Variants in CACNA1I observed in about 807,000 individuals in gnomAD.
CACNA1I encodes the protein calcium voltage-gated channel subunit alpha1 I.
CACNA1I carries 74 observed loss-of-function variants against 201.6 expected under a neutral mutation model. That is an observed-to-expected ratio of 0.37 (90% confidence interval 0.30 to 0.45). The LOEUF (loss-of-function observed/expected upper bound fraction) is 0.45. Among genes scored for constraint, CACNA1I ranks in the 20% least tolerant of loss-of-function variants. The pLI is 1.00. For missense variants in CACNA1I, 2,346 were observed against 3,138.1 expected (o/e 0.75, Z 6.03); for synonymous variants, 1,431 against 1,345.2 (o/e 1.06, Z -1.40).
Position 39,639,069 on chromosome 22 carries a change from G to A in CACNA1I, c.741-1798G>A, listed in dbSNP as rs528427762. Among the ~76,000 whole-genome samples the A allele has an allele frequency of 9.2e-4, 140 of 152,288 alleles. 4 individuals are homozygous for A. In the South Asian group the frequency reaches 0.028, roughly 31 times the overall value. Reference sequence around the variant, plus strand: ...ACCTCTTATCTCCTTTGTATGTTGCGAATACTTAATCCCATTCAACAGCAA... The same window carrying A: ...ACCTCTTATCTCCTTTGTATGTTGCAAATACTTAATCCCATTCAACAGCAA... On this transcript the variant is annotated intron_variant, in intron 5 of 36. Coordinates refer to ENST00000402142, the MANE Select transcript of CACNA1I (RefSeq NM_021096.4).
At position 39,649,939 on chromosome 22, in the gene CACNA1I, A is replaced by AGCCGG. The variant is rs778010016; in HGVS notation, c.1992+23_1992+27dup. 3.1e-6 allele frequency: 5 copies of AGCCGG among 1,612,620 alleles called. No individual in the cohort carries two copies. The highest frequency in any genetic ancestry group is 3.4e-6 in the Non-Finnish European group (4 of 1,179,546). On this transcript the variant is annotated intron_variant, in intron 10 of 36. Transcript: ENST00000402142. This position sits in a 1 kb window ranked among gnomAD's most constrained non-coding sequence, Gnocchi z 7.3. ...CACCACGAGCAGGCCAGTGCAGCGCAGCCGGGCCGGGCCTGCGGGAGAGGT... is the reference window on the plus strand; with the variant it reads ...CACCACGAGCAGGCCAGTGCAGCGCAGCCGGGCCGGGCCGGGCCTGCGGGAGAGGT...
At position 39,665,834 on chromosome 22, in the gene CACNA1I, T is replaced by C. The variant is rs771552037; in HGVS notation, c.3979-47T>C. ...ATCGAGAGGCGAGTTCCTCTCTGAC[T>C]TGCAACCCTCACCTGTGAGAGCACC... On this transcript the variant is annotated intron_variant, in intron 22 of 36. Transcript: ENST00000402142. The surrounding 1 kb of genome is among the most constrained non-coding windows in gnomAD (Gnocchi z 5.5). 6.2e-7 allele frequency: 1 copy of C among 1,612,424 alleles called. No homozygotes were observed. Among genetic ancestry groups the C allele is most frequent in the Non-Finnish European group, 8.5e-7 (1 of 1,178,900 alleles).
At chr22:39,670,656 T>A (rs1935344631) in intron 25 of CACNA1I, 147 bp from the exon 26 acceptor site, 1 of 761,704 alleles carries the variant, frequency 1.3e-6, no homozygotes, top group Non-Finnish European at 2.3e-6. Context: ...GGAGGAGATC[T>A]AACACTGATC....
At chr22:39,683,061 C>T (rs1023883200) in intron 35 of CACNA1I, among the ~76,000 whole-genome samples, 4 of 152,132 alleles carry the variant, frequency 2.6e-5, no homozygotes, top group Non-Finnish European at 4.4e-5. Flanking sequence ...TTCATATACA[C>T]GGGGATGTTA....
In CACNA1I at chr22:39,687,771, G is replaced by A. The variant is rs1483762849; in HGVS notation, c.*1366G>A. 6.6e-6 allele frequency: 1 copy of A among 152,150 alleles called. No homozygotes were observed. The highest frequency in any genetic ancestry group is 2.4e-5 in the African/African-American group (1 of 41,424). The allele number at this position is 152,150 out of a possible 1,614,324, so 9.4% of individuals were successfully genotyped here. Reference sequence around the variant, plus strand: ...TACGCATTTATTTCACTATTTATTGGGAAAAAAATGCATTGAACCCGTGAT... The same window carrying A: ...TACGCATTTATTTCACTATTTATTGAGAAAAAAATGCATTGAACCCGTGAT... On this transcript the variant is annotated 3_prime_UTR_variant, in exon 37 of 37. Transcript: ENST00000402142.
chr22:39,576,335 T>C (rs536648080), intron 1 of CACNA1I, among the ~76,000 whole-genome samples: 8 of 152,228 alleles, frequency 5.3e-5, no homozygotes, highest in Non-Finnish European at 1.2e-4. Context: ...ATAGGGGCTC[T>C]CATAGCCCCA....
Position 39,666,054 on chromosome 22 carries a change from T to A in CACNA1I, c.4104+48T>A. The A allele has an allele frequency of 6.3e-7, 1 of 1,583,986 alleles. No homozygotes were observed. The highest frequency in any genetic ancestry group is 8.6e-7 in the Non-Finnish European group (1 of 1,163,274). ...TGATCAGACCCTCCCCTCTCTTGGA[T>A]GCCAGTGGCTCTGGGAATCACAGAC... is the stretch of plus-strand genomic sequence containing the variant. On this transcript the variant is annotated intron_variant, in intron 23 of 36. Coordinates refer to ENST00000402142, the MANE Select transcript of CACNA1I (RefSeq NM_021096.4). This position sits in a 1 kb window ranked among gnomAD's most constrained non-coding sequence, Gnocchi z 4.1.
At chr22:39,626,196 C>T (rs1250356446) in intron 4 of CACNA1I, among the ~76,000 whole-genome samples, 2 of 152,234 alleles carry the variant, frequency 1.3e-5, no homozygotes, top group East Asian at 1.9e-4. Context: ...GAGTAAGCCA[C>T]GTGCCTCTCC....
chr22:39,628,159 C>T (rs982197657), intron 4 of CACNA1I, among the ~76,000 whole-genome samples: 4 of 152,168 alleles, frequency 2.6e-5, no homozygotes, highest in Non-Finnish European at 5.9e-5. Context: ...GATCAAAGGA[C>T]TGGGCCACTG....
chr22:39,686,634 A>G lies in CACNA1I; in HGVS notation c.*229A>G. ...CATATATATATATATATGCATATAT[A>G]TATATATATATATATATATGTGTAT... On this transcript the variant is annotated 3_prime_UTR_variant, in exon 37 of 37. Coordinates refer to ENST00000402142, the MANE Select transcript of CACNA1I (RefSeq NM_021096.4). 1 of 139,016 alleles carries G rather than the reference A, an allele frequency of 7.2e-6. No homozygotes were observed. Among genetic ancestry groups the G allele is most frequent in the Non-Finnish European group, 1.5e-5 (1 of 66,886 alleles). The allele number at this position is 139,016 out of a possible 1,614,324, so 8.6% of individuals were successfully genotyped here.
intron 7 of CACNA1I, among the ~76,000 whole-genome samples, chr22:39,643,920 C>A (rs1430788058): frequency 6.6e-6 from 1 of 152,222 alleles, no homozygotes. Context: ...AGGCCCAGCC[C>A]CTGTCCTCGA....
chr22:39,656,324 C>A, intron 10 of CACNA1I: 1 of 498,428 alleles, frequency 2.0e-6, no homozygotes, highest in Non-Finnish European at 4.0e-6. Flanking sequence ...CGGTCCTCTG[C>A]TCTCCCACCT....
Position 39,664,077 on chromosome 22 carries a change from C to T in CACNA1I, c.3598-14C>T, listed in dbSNP as rs776880862. The T allele has an allele frequency of 1.2e-6, 2 of 1,612,760 alleles. No individual in the cohort carries two copies. Among genetic ancestry groups the T allele is most frequent in the African/African-American group, 2.7e-5 (2 of 75,046 alleles). Reference sequence around the variant, plus strand: ...GGGAGCCCCTGAGCCTATGGTATCTCCCGATGCTTTCAGGAACGCATCTTT... The same window carrying T: ...GGGAGCCCCTGAGCCTATGGTATCTTCCGATGCTTTCAGGAACGCATCTTT... On this transcript the variant is annotated splice_polypyrimidine_tract_variant and intron_variant, in intron 19 of 36. Coordinates refer to ENST00000402142, the MANE Select transcript of CACNA1I (RefSeq NM_021096.4).
In CACNA1I at chr22:39,663,766, C is replaced by T. The variant is rs369811506; in HGVS notation, c.3522C>T (p.Tyr1174=). Residue 1174 remains tyrosine, a synonymous_variant, in exon 19 of 37, where the codon TAC becomes TAT. Coordinates refer to ENST00000402142, the MANE Select transcript of CACNA1I (RefSeq NM_021096.4). Reference sequence around the variant, plus strand: ...TTATTGCCCACAAACTCTTCGACTACGTCGTCCTGGCCTTCATCTTTCTCA... The same window carrying T: ...TTATTGCCCACAAACTCTTCGACTATGTCGTCCTGGCCTTCATCTTTCTCA... ...QTIIAHKLFD[Y]VVLAFIFLNC... The T allele has an allele frequency of 5.9e-5, 89 of 1,508,766 alleles. No individual in the cohort carries two copies. The highest frequency in any genetic ancestry group is 7.1e-5 in the Non-Finnish European group (79 of 1,113,642). The allele number at this position is 1,508,766 out of a possible 1,614,324, so 93.5% of individuals were successfully genotyped here.
chr22:39,676,436 C>T lies in CACNA1I; in HGVS notation c.4855-905C>T, dbSNP rs996746689. The stretch of plus-strand genomic sequence containing the variant: ...TTTACTTTTCAGCAGTTAACGTGAA[C>T]GTTTTCTGAGGGTTCTAAGGCCTTC... On this transcript the variant is annotated intron_variant, in intron 29 of 36. Transcript: ENST00000402142. This position sits in a 1 kb window ranked among gnomAD's most constrained non-coding sequence, Gnocchi z 4.8. 5.3e-5 allele frequency among the ~76,000 whole-genome samples: 8 copies of T among 152,264 alleles called. No individual in the cohort carries two copies. The highest frequency in any genetic ancestry group is 1.4e-4 in the African/African-American group (6 of 41,542).
chr22:39,659,641 G>T lies in CACNA1I; in HGVS notation c.2449-56G>T. 1 of 1,609,164 alleles carries T rather than the reference G, an allele frequency of 6.2e-7. No homozygotes were observed. The highest frequency in any genetic ancestry group is 8.5e-7 in the Non-Finnish European group (1 of 1,176,012). On this transcript the variant is annotated intron_variant, in intron 13 of 36. Coordinates refer to ENST00000402142, the MANE Select transcript of CACNA1I (RefSeq NM_021096.4). The surrounding 1 kb of genome is among the most constrained non-coding windows in gnomAD (Gnocchi z 4.3). ...GGGCTGACAACTCCCATGCCTCCTT[G>T]TAGAGCCTAGCCCTGGACTAGGGGT... is the stretch of plus-strand genomic sequence containing the variant.
intron 1 of CACNA1I, 71 bp downstream of exon 1, chr22:39,571,059 C>A (rs1487769554): frequency 3.1e-6 from 4 of 1,279,892 alleles, no homozygotes; most frequent in South Asian, 1.2e-5. Flanking sequence ...TTGAGTCCTG[C>A]TGCTCACACC....
intron 11 of CACNA1I, among the ~76,000 whole-genome samples, chr22:39,658,603 A>G (rs1454474147): frequency 6.6e-6 from 1 of 152,216 alleles, no homozygotes; most frequent in Non-Finnish European, 1.5e-5. Context: ...GATTGCCACA[A>G]AGCCATAGGT....
chr22:39,662,016 G>T lies in CACNA1I; in HGVS notation c.2953G>T (p.Ala985Ser). ...GCCATGGGGCCGCAGCGCGGCCTGG[G>T]CCAGCCGTCGCTCCAGCTGGAACAG... ...YGPWGRSAAWASRRSSWNSLK... is the reference protein window; with the variant it reads ...YGPWGRSAAWSSRRSSWNSLK... The change falls in exon 17 of 37, where the codon GCC (alanine) becomes TCC (serine). Residue 985 changes from alanine (A) to serine (S), a missense_variant. Ala to Ser is a moderately conservative substitution (Grantham distance 99). This residue lies in a region of CACNA1I where 288 missense variants were observed against 255.2 expected (regional missense o/e 1.13). Coordinates refer to ENST00000402142, the MANE Select transcript of CACNA1I (RefSeq NM_021096.4). 1.3e-6 allele frequency: 2 copies of T among 1,565,600 alleles called. No homozygotes were observed. Among genetic ancestry groups the T allele is most frequent in the Non-Finnish European group, 1.7e-6 (2 of 1,160,236 alleles).
Sources: gnomAD v4.1 joint callset for allele counts (sites outside exome capture counted in the v4.1 genomes callset) on GRCh38, gnomAD v4.1.1 for gene constraint, gnomAD v4.1.1 regional missense constraint, Gnocchi (gnomAD v3.1) non-coding constraint, MANE v1.5 for transcripts, NCBI Gene and HGNC (gene_info 2026-07-23, HGNC 2026-07-21) for gene names.